Variants in AGAP1 observed in about 807,000 individuals in gnomAD.
AGAP1 encodes ArfGAP with GTPase domain, ankyrin repeat and PH domain 1.
AGAP1 carries 29 observed loss-of-function variants against 105.3 expected under a neutral mutation model. The ratio of observed to expected loss-of-function variants is 0.28; its 90% CI spans 0.21 to 0.38. AGAP1 has a LOEUF of 0.38. Ranked by LOEUF, AGAP1 falls within the 10% of genes least tolerant of loss-of-function variation. The pLI, the probability that AGAP1 is intolerant of heterozygous loss-of-function variation, is 1.00. For missense variants in AGAP1, 998 were observed against 1,165.1 expected (o/e 0.86, Z 2.09); for synonymous variants, 509 against 485.9 (o/e 1.05, Z -0.63).
In AGAP1 at chr2:235,622,733, G is replaced by A. The variant is rs531998763; in HGVS notation, c.164-86446G>A. Among the ~76,000 whole-genome samples, 5 of 151,970 alleles carry A rather than the reference G, an allele frequency of 3.3e-5. 1 individual carries two copies. Among genetic ancestry groups the A allele is most frequent in the South Asian group, 4.2e-4 (2 of 4,790 alleles). On this transcript the variant is annotated intron_variant, in intron 1 of 17. Transcript: ENST00000304032. The surrounding 1 kb of genome is among the most constrained non-coding windows in gnomAD (Gnocchi z 5.0). ...CCACGGTAGCTAATGTTTGTAGCGC[G>A]CTCACGTATGCCAGACTCTTCTTAG...
In AGAP1 at chr2:235,930,331, G is replaced by A. The variant is rs1472068806; in HGVS notation, c.1325-434G>A. ...GAAAATAATCCTCTGGCACCAGACAGTTGACTCTCAATGGGTGATCATTTT... is the reference window on the plus strand; with the variant it reads ...GAAAATAATCCTCTGGCACCAGACAATTGACTCTCAATGGGTGATCATTTT... On this transcript the variant is annotated intron_variant, in intron 11 of 17. Coordinates refer to ENST00000304032, the MANE Select transcript of AGAP1 (RefSeq NM_001037131.3). This position sits in a 1 kb window ranked among gnomAD's most constrained non-coding sequence, Gnocchi z 7.9. Among the ~76,000 whole-genome samples, 1 of 152,198 alleles carries A rather than the reference G, an allele frequency of 6.6e-6. No individual in the cohort carries two copies. Among genetic ancestry groups the A allele is most frequent in the Non-Finnish European group, 1.5e-5 (1 of 68,040 alleles).
chr2:235,799,402 C>T lies in AGAP1; in HGVS notation c.837C>T (p.Ser279=). ...GAGGTGGGAGTTTAAGCGACTATTC[C>T]TCCTCCGTTCCATCGACTCCCAGCA... is the stretch of plus-strand genomic sequence containing the variant. ...SNGGGSLSDY[S]SSVPSTPSTS... The change falls in exon 8 of 18, where the codon TCC becomes TCT. Residue 279 remains serine, a synonymous_variant. Coordinates refer to ENST00000304032, the MANE Select transcript of AGAP1 (RefSeq NM_001037131.3). The surrounding 1 kb of genome is among the most constrained non-coding windows in gnomAD (Gnocchi z 5.0). The T allele has an allele frequency of 1.2e-6, 2 of 1,614,100 alleles. No homozygotes were observed. The highest frequency in any genetic ancestry group is 2.2e-5 in the East Asian group (1 of 44,868).
Position 235,777,108 on chromosome 2 carries a change from C to G in AGAP1, c.674-20651C>G. The G allele has an allele frequency of 2.1e-6, 1 of 469,108 alleles. No homozygotes were observed. The highest frequency in any genetic ancestry group is 4.4e-6 in the Non-Finnish European group (1 of 226,018). 29.1% of individuals were successfully genotyped at this position (469,108 alleles called of 1,614,324 possible). On this transcript the variant is annotated intron_variant, in intron 6 of 17. Transcript: ENST00000304032. The surrounding 1 kb of genome is among the most constrained non-coding windows in gnomAD (Gnocchi z 5.1). ...GCGCGGTGGCTCATGCCTGTAATTC[C>G]AGCACTTTGAGAGGCCAAGGCGGGT...
At chr2:235,923,234 C>T (rs1559650754) in intron 11 of AGAP1, among the ~76,000 whole-genome samples, 1 of 152,176 alleles carries the variant, frequency 6.6e-6, no homozygotes, top group Non-Finnish European at 1.5e-5. Context: ...AGCCAGCATC[C>T]TATACTGTTT....
intron 13 of AGAP1, among the ~76,000 whole-genome samples, chr2:235,986,322 A>G (rs1307895113): frequency 2.0e-5 from 3 of 152,012 alleles, no homozygotes; most frequent in Admixed American, 2.0e-4. Flanking sequence ...TTTATTTTGT[A>G]TATCCTGAGA....
At chr2:235,926,736 A>AT (rs1048282382) in intron 11 of AGAP1, among the ~76,000 whole-genome samples, 3 of 152,136 alleles carry the variant, frequency 2.0e-5, no homozygotes, top group African/African-American at 7.2e-5. Flanking sequence ...TCCTCCGCAT[A>AT]TTTTTGGAAG....
intron 15 of AGAP1, among the ~76,000 whole-genome samples, chr2:236,041,188 C>T (rs1241419749): frequency 1.3e-5 from 2 of 152,064 alleles, no homozygotes; most frequent in African/African-American, 2.4e-5. Context: ...ACAGGGAGAA[C>T]CCGTCTCTAC....
chr2:235,514,574 C>A (rs1322273374), intron 1 of AGAP1, among the ~76,000 whole-genome samples: 1 of 152,252 alleles, frequency 6.6e-6, no homozygotes, highest in Admixed American at 6.5e-5. Context: ...CTGAGTCCTG[C>A]CCCTTGGCAA....
chr2:236,017,292 C>CAA (rs1202844758), intron 13 of AGAP1, among the ~76,000 whole-genome samples: 3,187 of 104,432 alleles, frequency 0.031, 133 homozygotes, highest in African/African-American at 0.096. Flanking sequence ...GACTCCATCT[C>CAA]AAAAAAAAAA....
intron 1 of AGAP1, among the ~76,000 whole-genome samples, chr2:235,627,488 G>A (rs1462416039): frequency 1.3e-5 from 2 of 152,098 alleles, no homozygotes; most frequent in Non-Finnish European, 2.9e-5. Context: ...GCCTCCCAAG[G>A]TGCTGGGATT....
Position 235,824,476 on chromosome 2 carries a change from G to C in AGAP1, c.1050+17145G>C, listed in dbSNP as rs961977245. Among the ~76,000 whole-genome samples the C allele has an allele frequency of 6.6e-6, 1 of 152,202 alleles. No individual in the cohort carries two copies. Among genetic ancestry groups the C allele is most frequent in the Non-Finnish European group, 1.5e-5 (1 of 68,038 alleles). ...ATAATGTTGTACAGCCAATCAAAAAGAGATACTTGTAAACTCATTTACAGC... is the reference window on the plus strand; with the variant it reads ...ATAATGTTGTACAGCCAATCAAAAACAGATACTTGTAAACTCATTTACAGC... On this transcript the variant is annotated intron_variant, in intron 9 of 17. Coordinates refer to ENST00000304032, the MANE Select transcript of AGAP1 (RefSeq NM_001037131.3). This position sits in a 1 kb window ranked among gnomAD's most constrained non-coding sequence, Gnocchi z 5.2.
intron 8 of AGAP1, among the ~76,000 whole-genome samples, chr2:235,803,090 G>GGTGATGGTGATGATGGTT (rs1957651638): frequency 5.2e-4 from 6 of 11,544 alleles, no homozygotes; most frequent in Non-Finnish European, 1.4e-3. Context: ...TGATGGTTGT[G>GGTGATGGTGATGATGGTT]GTGATGGTGA....
intron 1 of AGAP1, among the ~76,000 whole-genome samples, chr2:235,638,934 T>C (rs150743676): frequency 2.4e-4 from 37 of 152,308 alleles, no homozygotes; most frequent in Non-Finnish European, 3.8e-4. Flanking sequence ...CAGTAACATC[T>C]CTTCCAGTTG....
chr2:236,064,385 GT>G (rs1307833450), intron 16 of AGAP1, among the ~76,000 whole-genome samples: 1 of 152,130 alleles, frequency 6.6e-6, no homozygotes, highest in Non-Finnish European at 1.5e-5. Context: ...GAGGTTGGGA[GT>G]TTGAGACCTG....
rs2055429712 is a variant in AGAP1 at position 235,988,763 on chromosome 2, G to A, written c.1645+20140G>A. On this transcript the variant is annotated intron_variant, in intron 13 of 17. Transcript: ENST00000304032. The surrounding 1 kb of genome is among the most constrained non-coding windows in gnomAD (Gnocchi z 4.7). ...GCTCTCAGATTGCACTTCAGAATCG[G>A]TGATGCGCACTCATTCCCCTGCACC... 6.6e-6 allele frequency among the ~76,000 whole-genome samples: 1 copy of A among 152,148 alleles called. No homozygotes were observed. Among genetic ancestry groups the A allele is most frequent in the Non-Finnish European group, 1.5e-5 (1 of 68,038 alleles).
At chr2:235,856,772 T>C (rs550549108) in intron 9 of AGAP1, among the ~76,000 whole-genome samples, 3 of 152,252 alleles carry the variant, frequency 2.0e-5, no homozygotes, top group Non-Finnish European at 4.4e-5. Flanking sequence ...TAAATGTCCC[T>C]TGCCCAAGTT....
At chr2:235,702,406 GCTGCCTTCCCTGGTCCTTGCAGCCAGGCT>G (rs1230414132) in intron 1 of AGAP1, among the ~76,000 whole-genome samples, 1 of 152,336 alleles carries the variant, frequency 6.6e-6, no homozygotes, top group East Asian at 1.9e-4. Context: ...CTGGACAGGA[GCTGCCTTCCCTGGTCCTTGCAGCCAGGCT>G]CCTGCAGCCT....
In AGAP1 at chr2:235,900,643, G is replaced by C. The variant is rs924712777; in HGVS notation, c.1156-8095G>C. ...CTTTGCCTCAGCCCTGCAAAGTATT[G>C]TCACCTAGTTGGCATTGTAATTGTG... On this transcript the variant is annotated intron_variant, in intron 10 of 17. Transcript: ENST00000304032. This position sits in a 1 kb window ranked among gnomAD's most constrained non-coding sequence, Gnocchi z 5.5. Among the ~76,000 whole-genome samples the C allele has an allele frequency of 1.3e-5, 2 of 152,130 alleles. No homozygotes were observed. The highest frequency in any genetic ancestry group is 4.8e-5 in the African/African-American group (2 of 41,416).
At position 235,901,250 on chromosome 2, in the gene AGAP1, T is replaced by C. The variant is rs901636406; in HGVS notation, c.1156-7488T>C. Among the ~76,000 whole-genome samples, 8 of 152,166 alleles carry C rather than the reference T, an allele frequency of 5.3e-5. No homozygotes were observed. The highest frequency in any genetic ancestry group is 1.9e-4 in the African/African-American group (8 of 41,450). On this transcript the variant is annotated intron_variant, in intron 10 of 17. Coordinates refer to ENST00000304032, the MANE Select transcript of AGAP1 (RefSeq NM_001037131.3). The surrounding 1 kb of genome is among the most constrained non-coding windows in gnomAD (Gnocchi z 4.3). ...AATATTAAATGGAGTTTGGGAATAG[T>C]AGTGAACTTTACAATGGCTTCTCTT...
Sources: allele counts gnomAD v4.1 joint callset (sites outside exome capture counted in the v4.1 genomes callset), GRCh38; gene constraint gnomAD v4.1.1; non-coding constraint Gnocchi (gnomAD v3.1); transcripts MANE v1.5; gene names NCBI Gene and HGNC (gene_info 2026-07-23, HGNC 2026-07-21).